Variants in PHACTR1 observed in about 807,000 individuals in gnomAD.
The protein encoded by PHACTR1 is phosphatase and actin regulator 1.
PHACTR1 carries 16 observed loss-of-function variants against 69.2 expected under a neutral mutation model. That is an observed-to-expected ratio of 0.23 (90% confidence interval 0.16 to 0.35). The LOEUF (loss-of-function observed/expected upper bound fraction) is 0.35. PHACTR1 is among the 10% of genes least tolerant of loss of function. The pLI, the probability that PHACTR1 is intolerant of heterozygous loss-of-function variation, is 1.00. For missense variants in PHACTR1, 510 were observed against 734.7 expected, an observed-to-expected ratio of 0.69 and a Z score of 3.54; for synonymous variants, 312 against 284.5, an observed-to-expected ratio of 1.10 and a Z score of -0.97.
intron 4 of PHACTR1, among the ~76,000 whole-genome samples, chr6:12,997,661 A>G (rs910518496): frequency 2.6e-5 from 4 of 152,212 alleles, no homozygotes; most frequent in African/African-American, 9.6e-5. Flanking sequence ...ATTTTGAAAT[A>G]TACAACACAT....
At chr6:13,135,792 G>A (rs1368528491) in intron 5 of PHACTR1, among the ~76,000 whole-genome samples, 1 of 152,090 alleles carries the variant, frequency 6.6e-6, no homozygotes, top group Non-Finnish European at 1.5e-5. Flanking sequence ...GCTGAGGGAA[G>A]GGGGTATGGC....
At chr6:12,832,555 G>C (rs1357809319) in intron 4 of PHACTR1, among the ~76,000 whole-genome samples, 12 of 151,944 alleles carry the variant, frequency 7.9e-5, no homozygotes, top group Non-Finnish European at 1.5e-5. Context: ...CCTGGCCTTG[G>C]TAACTGGGAC....
At chr6:12,792,393 GGCGGAGGTTGCAGTGA>G (rs1368851448) in intron 4 of PHACTR1, among the ~76,000 whole-genome samples, 3 of 148,760 alleles carry the variant, frequency 2.0e-5, no homozygotes, top group African/African-American at 5.0e-5. Context: ...GAACCCGGGA[GGCGGAGGTTGCAGTGA>G]GCGGAGATTG....
intron 4 of PHACTR1, among the ~76,000 whole-genome samples, chr6:12,944,787 A>ATT (rs67157877): frequency 5.2e-4 from 61 of 116,392 alleles, no homozygotes; most frequent in African/African-American, 1.8e-3. Context: ...ATTTTTATTT[A>ATT]TTTTTTTTTT....
intron 4 of PHACTR1, among the ~76,000 whole-genome samples, chr6:12,849,069 C>G (rs1246762929): frequency 6.6e-6 from 1 of 152,122 alleles, no homozygotes; most frequent in African/African-American, 2.4e-5. Context: ...TCTCACAGTG[C>G]AAATTCTCTA....
intron 4 of PHACTR1, among the ~76,000 whole-genome samples, chr6:12,953,772 G>T (rs1475264746): frequency 1.3e-5 from 2 of 152,180 alleles, no homozygotes; most frequent in African/African-American, 4.8e-5. Flanking sequence ...AATGATGATG[G>T]TGGTAACGAT....
At chr6:13,260,490 G>A (rs541452603) in intron 10 of PHACTR1, among the ~76,000 whole-genome samples, 1 of 152,102 alleles carries the variant, frequency 6.6e-6, no homozygotes, top group East Asian at 1.9e-4. Context: ...TGTCCTCCCC[G>A]CCTCCCAACT....
intron 10 of PHACTR1, among the ~76,000 whole-genome samples, chr6:13,266,060 A>G (rs921159707): frequency 6.6e-6 from 1 of 151,850 alleles, no homozygotes; most frequent in East Asian, 1.9e-4. Flanking sequence ...TCCAAATTCA[A>G]ATTCATGGTT....
intron 6 of PHACTR1, 75 bp from the exon 7 acceptor site, chr6:13,182,444 A>C: frequency 6.7e-7 from 1 of 1,492,748 alleles, no homozygotes; most frequent in African/African-American, 1.4e-5. Flanking sequence ...ATCTAGACTC[A>C]GCAGGCGGGA....
intron 4 of PHACTR1, among the ~76,000 whole-genome samples, chr6:12,892,669 C>G (rs1784276710): frequency 6.6e-6 from 1 of 152,078 alleles, no homozygotes; most frequent in African/African-American, 2.4e-5. Flanking sequence ...CTTTTTCCCC[C>G]CATGGAAAAA....
intron 6 of PHACTR1, among the ~76,000 whole-genome samples, chr6:13,170,533 C>A (rs1175352014): frequency 2.6e-5 from 4 of 152,192 alleles, no homozygotes; most frequent in Non-Finnish European, 5.9e-5. Context: ...GCCAGCCAAA[C>A]TTTGGGAGTC....
intron 4 of PHACTR1, among the ~76,000 whole-genome samples, chr6:12,851,461 A>G (rs1779819314): frequency 1.3e-5 from 2 of 152,240 alleles, no homozygotes; most frequent in East Asian, 1.9e-4. Flanking sequence ...CCAACAGCCT[A>G]CAGATTTCCT....
chr6:12,864,042 G>A (rs185436090), intron 4 of PHACTR1, among the ~76,000 whole-genome samples: 15 of 152,292 alleles, frequency 9.8e-5, no homozygotes, highest in Admixed American at 4.6e-4. Context: ...TACCATTGCT[G>A]GTGGTATTCA....
At chr6:13,217,708 G>A (rs1767900026) in intron 8 of PHACTR1, among the ~76,000 whole-genome samples, 1 of 152,112 alleles carries the variant, frequency 6.6e-6, no homozygotes, top group Non-Finnish European at 1.5e-5. Context: ...GCTGACTAAA[G>A]TTCAACAAAA....
At chr6:13,040,865 T>C (rs889318641) in intron 4 of PHACTR1, among the ~76,000 whole-genome samples, 3 of 152,150 alleles carry the variant, frequency 2.0e-5, no homozygotes, top group Admixed American at 6.5e-5. Context: ...GGAAATGTAG[T>C]TTTGAGAGGC....
chr6:12,862,961 C>A (rs915701110), intron 4 of PHACTR1, among the ~76,000 whole-genome samples: 10 of 152,202 alleles, frequency 6.6e-5, no homozygotes, highest in African/African-American at 2.2e-4. Flanking sequence ...CCAGAGCTAC[C>A]CCTTACCACC....
At chr6:12,731,207 G>T (rs1333914293) in intron 3 of PHACTR1, among the ~76,000 whole-genome samples, 2 of 151,888 alleles carry the variant, frequency 1.3e-5, no homozygotes, top group Non-Finnish European at 2.9e-5. Context: ...GTAGAGATGG[G>T]GTTTCACCAT....
intron 4 of PHACTR1, among the ~76,000 whole-genome samples, chr6:12,832,800 T>G (rs1777728825): frequency 1.3e-5 from 2 of 152,140 alleles, no homozygotes; most frequent in Admixed American, 6.6e-5. Flanking sequence ...TCTTATGTTG[T>G]CAGGCACACA....
intron 8 of PHACTR1, among the ~76,000 whole-genome samples, chr6:13,219,967 C>T (rs1016028771): frequency 3.9e-5 from 6 of 152,068 alleles, no homozygotes; most frequent in Admixed American, 1.3e-4. Flanking sequence ...TGATCACTGC[C>T]GAGTGATCAC....
Sources: gnomAD v4.1 joint callset for allele counts (sites outside exome capture counted in the v4.1 genomes callset) on GRCh38, gnomAD v4.1.1 for gene constraint, MANE v1.5 for transcripts, NCBI Gene and HGNC (gene_info 2026-07-23, HGNC 2026-07-21) for gene names.